The following LILRB5 variants were observed in gnomAD, a reference collection of about 807,000 sequenced individuals.
The protein encoded by LILRB5 is leukocyte immunoglobulin-like receptor subfamily B member 5.
LILRB5 carries 61 observed loss-of-function variants against 68.4 expected under a neutral mutation model. That is an observed-to-expected ratio of 0.89 (90% CI 0.73 to 1.10). LILRB5 has a LOEUF of 1.10. Ranked by LOEUF, LILRB5 falls within the 50% of genes least tolerant of loss-of-function variation. The pLI is 0.00. For missense variants in LILRB5, 771 were observed against 751.6 expected (o/e 1.03, Z -0.30); for synonymous variants, 356 against 315.8 (o/e 1.13, Z -1.35).
intron 2 of LILRB5, 28 bp downstream of exon 2, chr19:54,256,933 G>C (rs1270680361): frequency 1.9e-6 from 3 of 1,614,058 alleles, no homozygotes. Flanking sequence ...GAGAAGAAGG[G>C]ACCTGGGACA....
Position 54,250,704 on chromosome 19 carries a change from G to A in LILRB5, c.*82C>T. On this transcript the variant is annotated 3_prime_UTR_variant, in exon 13 of 13. Coordinates refer to ENST00000449561, the MANE Select transcript of LILRB5 (RefSeq NM_001081442.3). The stretch of plus-strand genomic sequence containing the variant: ...GGTCCAGGCTGGCTGGGGTTCATTG[G>A]TGTCCACTGGGGGCAGCTCCTGTGC... 1 of 1,570,828 alleles carries A rather than the reference G, an allele frequency of 6.4e-7. No individual in the cohort carries two copies. Among genetic ancestry groups the A allele is most frequent in the East Asian group, 2.2e-5 (1 of 44,508 alleles).
At position 54,254,422 on chromosome 19, in the gene LILRB5, A is replaced by G. The variant is rs755628418; in HGVS notation, c.1256-7T>C. ...CTGGGATCCCCAGAGGGTCCTGGGAATAAGCACAGAAAGGGAGCGAGGCGC... is the reference window on the plus strand; with the variant it reads ...CTGGGATCCCCAGAGGGTCCTGGGAGTAAGCACAGAAAGGGAGCGAGGCGC... On this transcript the variant is annotated splice_polypyrimidine_tract_variant and splice_region_variant and intron_variant, in intron 6 of 12. Transcript: ENST00000449561. 1 of 1,581,774 alleles carries G rather than the reference A, an allele frequency of 6.3e-7. No homozygotes were observed. Among genetic ancestry groups the G allele is most frequent in the Non-Finnish European group, 8.6e-7 (1 of 1,163,998 alleles).
intron 12 of LILRB5, chr19:54,251,424 G>A (rs1030935202): frequency 7.0e-6 from 4 of 570,064 alleles, no homozygotes; most frequent in East Asian, 5.9e-5. Context: ...GCCTTTGCAC[G>A]GCTGTTTCCT....
At position 54,252,056 on chromosome 19, in the gene LILRB5, G is replaced by A. The variant is rs199996608; in HGVS notation, c.1627C>T (p.Pro543Ser). Residue 543 changes from proline to serine, a missense_variant and splice_region_variant, in exon 12 of 13, where the codon CCG (proline) becomes TCG (serine). Coordinates refer to ENST00000449561, the MANE Select transcript of LILRB5 (RefSeq NM_001081442.3). Reference sequence around the variant, plus strand: ...CCGGGACAGGGGCGGGGCCTCACCGGAGCATCCATCTCCACCCCGTCCTTG... The same window carrying A: ...CCGGGACAGGGGCGGGGCCTCACCGAAGCATCCATCTCCACCCCGTCCTTG... ...QPKDGVEMDA[P>S]AAASEAPQDV... 300 of 1,613,710 alleles carry A rather than the reference G, an allele frequency of 1.9e-4. No homozygotes were observed. The Middle Eastern group carries it at 3.4e-3, about 18-fold the overall frequency.
chr19:54,251,602 G>C (rs2078955675), intron 12 of LILRB5: 1 of 576,880 alleles, frequency 1.7e-6, no homozygotes, highest in African/African-American at 1.8e-5. Flanking sequence ...TGCACTCCTG[G>C]ACACGATGCA....
Position 54,252,412 on chromosome 19 carries a change from G to C in LILRB5, c.1539-9C>G. The C allele has an allele frequency of 6.2e-7, 1 of 1,614,180 alleles. No homozygotes were observed. Among genetic ancestry groups the C allele is most frequent in the Non-Finnish European group, 8.5e-7 (1 of 1,180,016 alleles). On this transcript the variant is annotated splice_polypyrimidine_tract_variant and intron_variant, in intron 10 of 12. Coordinates refer to ENST00000449561, the MANE Select transcript of LILRB5 (RefSeq NM_001081442.3). ...CAGCAACTGGGCTGGCCCTGGGGGAGGACACGGGAGTGTGAGGGGCAGTGA... is the reference window on the plus strand; with the variant it reads ...CAGCAACTGGGCTGGCCCTGGGGGACGACACGGGAGTGTGAGGGGCAGTGA...
In LILRB5 at chr19:54,254,022, C is replaced by G; in HGVS notation, c.1353G>C (p.Gln451His). 1 of 1,594,410 alleles carries G rather than the reference C, an allele frequency of 6.3e-7. No homozygotes were observed. ...CACTCAGAGCCCCTCACTCACCACT[C>G]TGGGGATCCAACCCCGTGGGGGTGA... ...QPLTPTGLDP[Q>H]SGLGRHLGVV... is the part of the protein sequence containing the mutation. Residue 451 changes from glutamine (Q) to histidine (H), a missense_variant, in exon 8 of 13, where the codon CAG becomes CAC. Gln to His is a conservative substitution (Grantham distance 24). Coordinates refer to ENST00000449561, the MANE Select transcript of LILRB5 (RefSeq NM_001081442.3).
intron 8 of LILRB5, 51 bp from the exon 9 acceptor site, chr19:54,253,038 C>T: frequency 7.7e-7 from 1 of 1,300,424 alleles, no homozygotes; most frequent in South Asian, 1.2e-5. Flanking sequence ...ATGTGAGCAC[C>T]TTCTGTGTGC....
At chr19:54,255,694 C>T in intron 4 of LILRB5, 112 bp from the exon 5 acceptor site, 2 of 1,298,980 alleles carry the variant, frequency 1.5e-6, no homozygotes, top group Non-Finnish European at 2.1e-6. Context: ...CGCTCTGTGT[C>T]TCGGATCCCG....
In LILRB5 at chr19:54,256,361, C is replaced by T. The variant is rs200558385; in HGVS notation, c.356-19G>A. 8.4e-4 allele frequency: 1,341 copies of T among 1,592,686 alleles called. 1 individual carries two copies. Among genetic ancestry groups the T allele is most frequent in the Middle Eastern group, 3.7e-3 (18 of 4,838 alleles). ...TAGAATCCTAGCAGAGAAGGAGGCA[C>T]GTCTTAAGTGGGGCTCCGACCTCCC... On this transcript the variant is annotated intron_variant, in intron 3 of 12. Coordinates refer to ENST00000449561, the MANE Select transcript of LILRB5 (RefSeq NM_001081442.3).
rs1012214080 is a variant in LILRB5 at position 54,256,491 on chromosome 19, G to A, written c.353C>T (p.Thr118Ile). ...EPSDPLELVA[T>I]GFYAEPTLLA... is the part of the protein sequence containing the mutation. ...GGGACCCCTGAGTGTCCTCTCACCT[G>A]TCGCCACCAGCTCCAGGGGGTCACT... Residue 118 changes from threonine (T) to isoleucine (I), a missense_variant and splice_region_variant, in exon 3 of 13, where the codon ACA becomes ATA. Transcript: ENST00000449561. 2 of 1,613,856 alleles carry A rather than the reference G, an allele frequency of 1.2e-6. No individual in the cohort carries two copies. The highest frequency in any genetic ancestry group is 1.7e-6 in the Non-Finnish European group (2 of 1,179,984).
Position 54,254,087 on chromosome 19 carries a change from G to A in LILRB5, c.1307-19C>T, listed in dbSNP as rs2079042231. On this transcript the variant is annotated intron_variant, in intron 7 of 12. Transcript: ENST00000449561. ...GGGCCTGCTGGGTCAGGACGGGGAGGTGAGGGCTGGGGCTGCCCTGCTCCC... is the reference window on the plus strand; with the variant it reads ...GGGCCTGCTGGGTCAGGACGGGGAGATGAGGGCTGGGGCTGCCCTGCTCCC... The A allele has an allele frequency of 6.3e-7, 1 of 1,588,510 alleles. No individual in the cohort carries two copies. The highest frequency in any genetic ancestry group is 8.6e-7 in the Non-Finnish European group (1 of 1,167,402).
chr19:54,255,716 T>C (rs2079118977), intron 4 of LILRB5, 134 bp from the exon 5 acceptor site: 2 of 1,105,512 alleles, frequency 1.8e-6, no homozygotes, highest in East Asian at 5.2e-5. Context: ...GGCCTCCTTC[T>C]CACCTGGGTC....
chr19:54,253,915 G>T, intron 8 of LILRB5, 103 bp downstream of exon 8: 1 of 1,546,754 alleles, frequency 6.5e-7, no homozygotes, highest in Non-Finnish European at 8.7e-7. Context: ...CAGGGGAAGG[G>T]CTTGTGCACT....
intron 7 of LILRB5, 38 bp downstream of exon 7, chr19:54,254,327 C>A (rs773226206): frequency 3.9e-6 from 6 of 1,549,622 alleles, no homozygotes; most frequent in South Asian, 1.2e-5. Context: ...TGGGGGGAGA[C>A]CACGCTCCCT....
rs571727727 is a variant in LILRB5 at position 54,255,792 on chromosome 19, C to T, written c.656-210G>A. ...CCTGGCCACTGTCTGTCTGGTCTGT[C>T]CTCTCCTCATTGAGGGACAGGAAAT... On this transcript the variant is annotated intron_variant, in intron 4 of 12. Transcript: ENST00000449561. 1.2e-4 allele frequency: 86 copies of T among 716,038 alleles called. 1 individual carries two copies. In the East Asian group the frequency reaches 2.4e-3, roughly 20 times the overall value. 44.4% of individuals were successfully genotyped at this position (716,038 alleles called of 1,614,324 possible).
Position 54,251,985 on chromosome 19 carries a change from G to A in LILRB5, c.1629+69C>T, listed in dbSNP as rs1375091090. 1.1e-5 allele frequency: 16 copies of A among 1,474,790 alleles called. No individual in the cohort carries two copies. The Admixed American group carries it at 2.2e-4, about 20-fold the overall frequency. The allele number at this position is 1,474,790 out of a possible 1,614,324, so 91.4% of individuals were successfully genotyped here. A position where few individuals can be genotyped will look rare whatever the true frequency, so the allele number is the denominator to read the frequency against. On this transcript the variant is annotated intron_variant, in intron 12 of 12. Transcript: ENST00000449561. ...GCTGAGAGCCGGGGGAAGGAGGACA[G>A]AGAAGTCCTGCTGGATTAGATCTGG...
chr19:54,255,965 T>C (rs2079126413), intron 4 of LILRB5, 78 bp downstream of exon 4: 4 of 1,194,536 alleles, frequency 3.3e-6, no homozygotes, highest in South Asian at 1.5e-5. Context: ...GTCCTTGCCA[T>C]GATCAGTCAT....
chr19:54,254,647 C>G, intron 6 of LILRB5, 88 bp downstream of exon 6: 1 of 1,535,362 alleles, frequency 6.5e-7, no homozygotes, highest in African/African-American at 1.4e-5. Context: ...CCCCCCGCAC[C>G]GCGACTCCAT....
Sources: gnomAD v4.1 joint callset for allele counts on GRCh38, gnomAD v4.1.1 for gene constraint, MANE v1.5 for transcripts, NCBI Gene and HGNC (gene_info 2026-07-23, HGNC 2026-07-21) for gene names.